Variants in SLC8A1 observed in about 807,000 individuals in gnomAD.
The protein encoded by SLC8A1 is sodium/calcium exchanger 1.
Under a neutral mutation model 68.3 loss-of-function variants are expected in SLC8A1, and 18 were observed. That is an observed-to-expected ratio of 0.26 (90% confidence interval 0.18 to 0.39). The LOEUF (loss-of-function observed/expected upper bound fraction) is 0.39, where lower values mean the gene tolerates loss of function less well. Among genes scored for constraint, SLC8A1 ranks in the 10% least tolerant of loss-of-function variants. The probability of loss-of-function intolerance (pLI) is 1.00; values close to 1 mark genes in which losing one functional copy is unlikely to be tolerated. For synonymous variants in SLC8A1, 475 were observed against 415.5 expected (o/e 1.14, Z -1.74); for missense variants, 985 against 1,156.7 (o/e 0.85, Z 2.15).
intron 2 of SLC8A1, among the ~76,000 whole-genome samples, chr2:40,369,798 C>G (rs1397193757): frequency 6.6e-6 from 1 of 151,920 alleles, no homozygotes. Context: ...GTGGTTGGGC[C>G]TGACAGCCAA....
intron 2 of SLC8A1, among the ~76,000 whole-genome samples, chr2:40,325,050 TTAA>T (rs1289000758): frequency 6.6e-6 from 1 of 152,080 alleles, no homozygotes; most frequent in Non-Finnish European, 1.5e-5. Context: ...CACTCTTTCC[TTAA>T]TAATGATCCA....
chr2:40,108,629 T>C (rs2034374638), exon 8 of SLC8A1: 1 of 152,208 alleles, frequency 6.6e-6, no homozygotes. Context: ...GAGAGCAAGG[T>C]ATCTACAGAA....
intron 1 of SLC8A1, among the ~76,000 whole-genome samples, chr2:40,476,238 T>C (rs1215752343): frequency 2.6e-5 from 4 of 152,294 alleles, no homozygotes; most frequent in East Asian, 3.9e-4. Flanking sequence ...GGGGAGCCTA[T>C]AGAAACTCTG....
Position 40,159,843 on chromosome 2 carries a change from C to T in SLC8A1, c.2161+922G>A, listed in dbSNP as rs551481524. 6.6e-5 allele frequency among the ~76,000 whole-genome samples: 10 copies of T among 152,266 alleles called. No individual in the cohort carries two copies. In the South Asian group the frequency reaches 2.1e-3, roughly 32 times the overall value. On this transcript the variant is annotated intron_variant, in intron 6 of 7. Transcript: ENST00000406785. The stretch of plus-strand genomic sequence containing the variant: ...TTCTCACAGCACTTGGGAGATGTGT[C>T]AAATTACCCTGTGGCAGACTGGAAA...
At chr2:40,423,085 G>A (rs1056623614) in intron 2 of SLC8A1, among the ~76,000 whole-genome samples, 3 of 152,106 alleles carry the variant, frequency 2.0e-5, no homozygotes, top group Admixed American at 2.0e-4. Context: ...TTTAAAGGAT[G>A]TATTCAGGTT....
chr2:40,352,578 G>C (rs1435643965), intron 2 of SLC8A1, among the ~76,000 whole-genome samples: 1 of 152,106 alleles, frequency 6.6e-6, no homozygotes, highest in Non-Finnish European at 1.5e-5. Flanking sequence ...CATATCTTTG[G>C]TCTGTAAAAC....
chr2:40,506,895 T>C (rs1324616686), intron 1 of SLC8A1, among the ~76,000 whole-genome samples: 1 of 151,986 alleles, frequency 6.6e-6, no homozygotes, highest in Non-Finnish European at 1.5e-5. Context: ...TGGTAGAATG[T>C]GAGGAAGAAA....
At chr2:40,166,342 C>T (rs941371549) in intron 4 of SLC8A1, among the ~76,000 whole-genome samples, 2 of 152,112 alleles carry the variant, frequency 1.3e-5, no homozygotes, top group Non-Finnish European at 2.9e-5. Flanking sequence ...TCAAAACCAA[C>T]AAAAGGCAAA....
intron 2 of SLC8A1, among the ~76,000 whole-genome samples, chr2:40,397,009 T>C (rs1184321057): frequency 6.6e-6 from 1 of 152,156 alleles, no homozygotes; most frequent in Non-Finnish European, 1.5e-5. Flanking sequence ...AATGTCTAAA[T>C]ATTGCTTAAC....
intron 2 of SLC8A1, among the ~76,000 whole-genome samples, chr2:40,311,747 T>G (rs758241614): frequency 2.6e-5 from 4 of 152,146 alleles, no homozygotes; most frequent in Non-Finnish European, 5.9e-5. Context: ...TGAACATGGA[T>G]TACTTGCATA....
At chr2:40,152,469 A>C (rs1172963844) in intron 6 of SLC8A1, among the ~76,000 whole-genome samples, 1 of 151,912 alleles carries the variant, frequency 6.6e-6, no homozygotes, top group African/African-American at 2.4e-5. Flanking sequence ...CAGTGGCATG[A>C]TTTCGGCTCA....
intron 2 of SLC8A1, among the ~76,000 whole-genome samples, chr2:40,279,301 G>A (rs1216327164): frequency 3.3e-5 from 5 of 152,140 alleles, no homozygotes; most frequent in African/African-American, 1.2e-4. Context: ...CATTCAAGCA[G>A]GCACAGGGCA....
chr2:40,136,085 G>A (rs1204535833), intron 7 of SLC8A1, among the ~76,000 whole-genome samples: 3 of 152,168 alleles, frequency 2.0e-5, no homozygotes, highest in Non-Finnish European at 2.9e-5. Flanking sequence ...GGACCAAGAT[G>A]AGAAGAAGGA....
chr2:40,365,929 A>G (rs1353251501), intron 2 of SLC8A1, among the ~76,000 whole-genome samples: 1 of 151,838 alleles, frequency 6.6e-6, no homozygotes, highest in African/African-American at 2.4e-5. Flanking sequence ...CCAGGAGTTC[A>G]AAGCTTCAAT....
At chr2:40,471,100 G>A (rs1703964110) in intron 1 of SLC8A1, among the ~76,000 whole-genome samples, 1 of 152,156 alleles carries the variant, frequency 6.6e-6, no homozygotes, top group Non-Finnish European at 1.5e-5. Flanking sequence ...GCTTTTCACT[G>A]AAGGCTTGGT....
At chr2:40,403,102 T>C (rs1485876391) in intron 2 of SLC8A1, among the ~76,000 whole-genome samples, 1 of 152,156 alleles carries the variant, frequency 6.6e-6, no homozygotes, top group Non-Finnish European at 1.5e-5. Flanking sequence ...CATGAAACAA[T>C]TTTGGAATTT....
upstream of SLC8A1, chr2:40,453,261 A>G (rs1356190027): frequency 6.6e-6 from 1 of 152,158 alleles, no homozygotes; most frequent in Non-Finnish European, 1.5e-5. Context: ...TTTTTAAAAC[A>G]CCAGTTGCTA....
At chr2:40,295,764 C>G (rs1375229810) in intron 2 of SLC8A1, among the ~76,000 whole-genome samples, 1 of 152,180 alleles carries the variant, frequency 6.6e-6, no homozygotes, top group African/African-American at 2.4e-5. Flanking sequence ...ATATATTTAA[C>G]AAGTCCCTAC....
intron 2 of SLC8A1, among the ~76,000 whole-genome samples, chr2:40,265,901 C>A (rs894765062): frequency 6.6e-6 from 1 of 152,102 alleles, no homozygotes; most frequent in Non-Finnish European, 1.5e-5. Context: ...TGGACATGCA[C>A]TGAAGTAACC....
Sources: gnomAD v4.1 joint callset for allele counts (sites outside exome capture counted in the v4.1 genomes callset) on GRCh38, gnomAD v4.1.1 for gene constraint, MANE v1.5 for transcripts, NCBI Gene and HGNC (gene_info 2026-07-23, HGNC 2026-07-21) for gene names.